PTPRG: variants seen among roughly 807,000 people sequenced by gnomAD.
PTPRG encodes the protein receptor-type tyrosine-protein phosphatase gamma.
PTPRG carries 102 observed loss-of-function variants against 165.3 expected under a neutral mutation model. That is an observed-to-expected ratio of 0.62 (90% CI 0.53 to 0.73). The LOEUF (loss-of-function observed/expected upper bound fraction) is 0.73, where lower values mean the gene tolerates loss of function less well. Ranked by LOEUF, PTPRG falls within the 30% of genes least tolerant of loss-of-function variation. PTPRG has a pLI of 0.00. For synonymous variants in PTPRG, 675 were observed against 669.5 expected (o/e 1.01, Z -0.13); for missense variants, 1,866 against 1,861.4 (o/e 1.00, Z -0.05).
intron 4 of PTPRG, among the ~76,000 whole-genome samples, chr3:62,050,986 T>A (rs1235204754): frequency 3.3e-5 from 5 of 152,198 alleles, no homozygotes; most frequent in African/African-American, 1.2e-4. Flanking sequence ...TATAGGAAGC[T>A]TTTCTTCTAA....
chr3:61,964,145 A>C (rs985606543), intron 2 of PTPRG, among the ~76,000 whole-genome samples: 1 of 152,252 alleles, frequency 6.6e-6, no homozygotes, highest in African/African-American at 2.4e-5. Context: ...TATAGAGCAC[A>C]ATGGTTAATG....
chr3:62,179,505 G>C (rs954747849), intron 8 of PTPRG, among the ~76,000 whole-genome samples: 5 of 152,244 alleles, frequency 3.3e-5, no homozygotes, highest in African/African-American at 4.8e-5. Context: ...CACCAGGAAA[G>C]GCTTGCCAGA....
chr3:62,035,642 T>C (rs1376281324), intron 4 of PTPRG, among the ~76,000 whole-genome samples: 2 of 152,226 alleles, frequency 1.3e-5, no homozygotes, highest in Non-Finnish European at 2.9e-5. Context: ...CTTATAATCC[T>C]ACTCCTTCAA....
intron 5 of PTPRG, among the ~76,000 whole-genome samples, chr3:62,088,703 G>T (rs559623603): frequency 2.1e-4 from 32 of 152,338 alleles, no homozygotes; most frequent in African/African-American, 7.7e-4. Context: ...ATGTACAAAT[G>T]CTTTTGAACT....
At chr3:61,949,771 G>A (rs1467454376) in intron 2 of PTPRG, among the ~76,000 whole-genome samples, 4 of 149,810 alleles carry the variant, frequency 2.7e-5, no homozygotes, top group Admixed American at 6.7e-5. Context: ...AAGAAGTCTC[G>A]CTCTGTCACT....
At chr3:61,926,019 C>A (rs2039200473) in intron 2 of PTPRG, 2 of 453,206 alleles carry the variant, frequency 4.4e-6, no homozygotes, top group Non-Finnish European at 8.8e-6. Flanking sequence ...AACCTCAGAC[C>A]CTTCCTGTAA....
intron 5 of PTPRG, among the ~76,000 whole-genome samples, chr3:62,109,874 C>T (rs1030336199): frequency 6.6e-6 from 1 of 152,138 alleles, no homozygotes; most frequent in African/African-American, 2.4e-5. Context: ...TGCTGGTCCG[C>T]TCTCACTCCA....
intron 1 of PTPRG, among the ~76,000 whole-genome samples, chr3:61,661,363 G>C (rs143297098): frequency 7.2e-4 from 110 of 151,946 alleles, no homozygotes; most frequent in African/African-American, 2.5e-3. Context: ...ATTTCTGAGT[G>C]AAGGAATAGC....
At chr3:62,074,437 C>T (rs1185231927) in intron 4 of PTPRG, among the ~76,000 whole-genome samples, 4 of 145,660 alleles carry the variant, frequency 2.7e-5, no homozygotes, top group Non-Finnish European at 6.0e-5. Context: ...GCCTCAATAG[C>T]CTCAACCTCC....
intron 2 of PTPRG, among the ~76,000 whole-genome samples, chr3:61,936,900 G>T (rs2039496330): frequency 6.6e-6 from 1 of 152,222 alleles, no homozygotes. Context: ...GGAATAGGAT[G>T]TTTGGCTTAG....
At chr3:61,767,881 G>A (rs894360562) in intron 2 of PTPRG, among the ~76,000 whole-genome samples, 6 of 150,014 alleles carry the variant, frequency 4.0e-5, no homozygotes, top group African/African-American at 1.2e-4. Context: ...TACATAGGAG[G>A]ATTGCTTGAG....
At chr3:62,270,114 T>C (rs1407158266) in intron 20 of PTPRG, among the ~76,000 whole-genome samples, 3 of 152,098 alleles carry the variant, frequency 2.0e-5, no homozygotes, top group Non-Finnish European at 4.4e-5. Flanking sequence ...TTAAGAACTG[T>C]AAATAGACGC....
chr3:61,657,982 G>A (rs1282570492), intron 1 of PTPRG, among the ~76,000 whole-genome samples: 1 of 152,040 alleles, frequency 6.6e-6, no homozygotes, highest in Non-Finnish European at 1.5e-5. Flanking sequence ...GTGGACAGTG[G>A]TTATGGTGCT....
intron 6 of PTPRG, among the ~76,000 whole-genome samples, chr3:62,136,540 T>G (rs1302148669): frequency 2.0e-5 from 3 of 152,112 alleles, no homozygotes; most frequent in African/African-American, 7.2e-5. Context: ...TCCCAGTGCT[T>G]TGAGGCTTGG....
chr3:61,841,397 TTTC>T (rs1217192782), intron 2 of PTPRG, among the ~76,000 whole-genome samples: 5 of 152,138 alleles, frequency 3.3e-5, no homozygotes, highest in Non-Finnish European at 7.4e-5. Context: ...TTTTGTGAGG[TTTC>T]TTGTTTCTTT....
chr3:61,953,153 C>T (rs1428034166), intron 2 of PTPRG, among the ~76,000 whole-genome samples: 2 of 152,160 alleles, frequency 1.3e-5, no homozygotes, highest in African/African-American at 2.4e-5. Flanking sequence ...TTCCCTCCTC[C>T]CAACCTGCTT....
At chr3:61,932,448 A>T (rs992770938) in intron 2 of PTPRG, among the ~76,000 whole-genome samples, 9 of 152,238 alleles carry the variant, frequency 5.9e-5, no homozygotes, top group African/African-American at 2.2e-4. Context: ...TAAATATATT[A>T]TAAGCTTCCC....
chr3:61,996,890 C>A (rs2041052466), intron 3 of PTPRG, among the ~76,000 whole-genome samples: 1 of 152,148 alleles, frequency 6.6e-6, no homozygotes, highest in Non-Finnish European at 1.5e-5. Flanking sequence ...TCTTTGTTAT[C>A]CCCACAGCCT....
At chr3:62,014,559 C>CT (rs2041496636) in intron 4 of PTPRG, among the ~76,000 whole-genome samples, 1 of 152,176 alleles carries the variant, frequency 6.6e-6, no homozygotes, top group South Asian at 2.1e-4. Flanking sequence ...AACCTTCACT[C>CT]TGTTCATTTC....
Sources: allele counts gnomAD v4.1 joint callset (sites outside exome capture counted in the v4.1 genomes callset), GRCh38; gene constraint gnomAD v4.1.1; transcripts MANE v1.5; gene names NCBI Gene and HGNC (gene_info 2026-07-23, HGNC 2026-07-21).